MYT1L: variants seen among roughly 807,000 people sequenced by gnomAD.
MYT1L encodes the protein myelin transcription factor 1-like protein.
Under a neutral mutation model 126.7 loss-of-function variants are expected in MYT1L, and 12 were observed. The observed-to-expected ratio is 0.09, with a 90% CI of 0.06 to 0.15. The LOEUF is 0.15. Ranked by LOEUF, MYT1L falls within the 10% of genes least tolerant of loss-of-function variation. The pLI, the probability that MYT1L is intolerant of heterozygous loss-of-function variation, is 1.00. For synonymous variants in MYT1L, 541 were observed against 604.2 expected (o/e 0.90, Z 1.53); for missense variants, 979 against 1,585.2 (o/e 0.62, Z 6.49).
intron 2 of MYT1L, among the ~76,000 whole-genome samples, chr2:2,243,063 T>G (rs2094468632): frequency 6.6e-6 from 1 of 152,108 alleles, no homozygotes; most frequent in African/African-American, 2.4e-5. Flanking sequence ...AGGGGCAATG[T>G]CAATGGGAGC....
chr2:2,257,526 C>A (rs557545190), intron 2 of MYT1L, among the ~76,000 whole-genome samples: 2 of 152,244 alleles, frequency 1.3e-5, no homozygotes, highest in East Asian at 1.9e-4. Context: ...AAAAGTAAGT[C>A]CTGGAGCTCT....
At chr2:1,817,108 C>T in intron 21 of MYT1L, 1 of 152,276 alleles carries the variant, frequency 6.6e-6, no homozygotes, top group South Asian at 2.1e-4. Context: ...GGCCCATTTT[C>T]TCATGACTTG....
rs529909271 is a variant in MYT1L at position 2,121,023 on chromosome 2, G to A, written c.-304+51849C>T. On this transcript the variant is annotated intron_variant, in intron 3 of 24. Transcript: ENST00000647738. ...GGGAGGCCGGCGCGGAGGAACCAGC[G>A]CCCACAGACCCTTGCTCGGCGGAAG... 8.3e-3 allele frequency among the ~76,000 whole-genome samples: 1,258 copies of A among 152,258 alleles called. 18 individuals carry two copies. Among genetic ancestry groups the A allele is most frequent in the African/African-American group, 0.029 (1,202 of 41,552 alleles).
At chr2:1,850,574 C>T (rs1199142460) in intron 19 of MYT1L, among the ~76,000 whole-genome samples, 3 of 152,034 alleles carry the variant, frequency 2.0e-5, no homozygotes, top group African/African-American at 7.2e-5. Flanking sequence ...TCTTCTTGAC[C>T]AAAACTTTAG....
intron 3 of MYT1L, among the ~76,000 whole-genome samples, chr2:2,121,937 G>C (rs1231111009): frequency 6.6e-6 from 1 of 152,202 alleles, no homozygotes; most frequent in African/African-American, 2.4e-5. Context: ...GGAAGGAAAG[G>C]GTTGCTTGGC....
intron 3 of MYT1L, among the ~76,000 whole-genome samples, chr2:2,091,684 T>C (rs2076929780): frequency 1.3e-5 from 2 of 152,154 alleles, no homozygotes; most frequent in African/African-American, 2.4e-5. Context: ...AATATAAGGC[T>C]GTTTCATCTA....
intron 2 of MYT1L, among the ~76,000 whole-genome samples, chr2:2,173,943 TG>T (rs1366231723): frequency 6.6e-6 from 1 of 152,158 alleles, no homozygotes; most frequent in Non-Finnish European, 1.5e-5. Flanking sequence ...GCTTAGCAAG[TG>T]GAACTTGAAA....
intron 3 of MYT1L, among the ~76,000 whole-genome samples, chr2:2,075,452 A>C (rs1298903852): frequency 6.6e-6 from 1 of 152,164 alleles, no homozygotes; most frequent in Non-Finnish European, 1.5e-5. Flanking sequence ...TGTAGAAGTA[A>C]GAAAAGACCC....
chr2:1,813,495 C>T (rs1398685955), intron 21 of MYT1L, among the ~76,000 whole-genome samples: 3 of 152,148 alleles, frequency 2.0e-5, no homozygotes, highest in Non-Finnish European at 4.4e-5. Flanking sequence ...AACTCCCGGC[C>T]GTGGCCTGTG....
At chr2:1,867,928 A>T (rs13420953) in intron 18 of MYT1L, among the ~76,000 whole-genome samples, 2,656 of 151,948 alleles carry the variant, frequency 0.017, 43 homozygotes, top group Non-Finnish European at 0.03. Context: ...ATCTATCTTT[A>T]TTTAGTAAAC....
At chr2:1,872,651 G>A (rs775880266) in intron 18 of MYT1L, among the ~76,000 whole-genome samples, 1 of 152,216 alleles carries the variant, frequency 6.6e-6, no homozygotes, top group South Asian at 2.1e-4. Context: ...CTTGCTGGAA[G>A]TGGGATAAAT....
intron 3 of MYT1L, among the ~76,000 whole-genome samples, chr2:2,090,349 CA>C (rs1238846010): frequency 1.3e-5 from 2 of 152,092 alleles, no homozygotes; most frequent in Admixed American, 6.5e-5. Context: ...TTTTTCATTC[CA>C]AAAAAGTGCA....
intron 2 of MYT1L, among the ~76,000 whole-genome samples, chr2:2,251,029 T>C (rs1343677982): frequency 6.6e-6 from 1 of 152,198 alleles, no homozygotes; most frequent in African/African-American, 2.4e-5. Context: ...TACCTGGAAC[T>C]TTAATGGCAT....
chr2:2,285,808 T>C (rs1264317923), intron 1 of MYT1L, among the ~76,000 whole-genome samples: 1 of 152,184 alleles, frequency 6.6e-6, no homozygotes, highest in Non-Finnish European at 1.5e-5. Context: ...TATTTCCCTG[T>C]ACATTGGCTC....
Position 1,917,357 on chromosome 2 carries a change from T to G in MYT1L, c.1484-18A>C. ...TGAGGGATCTAAAAGCGACAACAGG[T>G]GCCAAGAGAATAAATGTTTACCAAT... is the stretch of plus-strand genomic sequence containing the variant. On this transcript the variant is annotated intron_variant, in intron 10 of 24. Transcript: ENST00000647738. The surrounding 1 kb of genome is among the most constrained non-coding windows in gnomAD (Gnocchi z 5.9). The G allele has an allele frequency of 6.3e-7, 1 of 1,589,916 alleles. No individual in the cohort carries two copies. The highest frequency in any genetic ancestry group is 8.6e-7 in the Non-Finnish European group (1 of 1,164,430).
At chr2:1,877,507 A>C (rs1466089064) in intron 18 of MYT1L, among the ~76,000 whole-genome samples, 1 of 152,146 alleles carries the variant, frequency 6.6e-6, no homozygotes, top group Non-Finnish European at 1.5e-5. Context: ...CCCCTTTGCT[A>C]AGAGGATGCA....
At chr2:2,071,072 G>A (rs2074539035) in intron 3 of MYT1L, among the ~76,000 whole-genome samples, 2 of 152,076 alleles carry the variant, frequency 1.3e-5, no homozygotes. Context: ...TGGTGCTGTA[G>A]AATACAATGT....
chr2:2,120,361 G>A (rs1293262166), intron 3 of MYT1L, among the ~76,000 whole-genome samples: 6 of 152,060 alleles, frequency 3.9e-5, no homozygotes, highest in Non-Finnish European at 4.4e-5. Flanking sequence ...GTCACGTGCT[G>A]CTTGTAAAAT....
intron 2 of MYT1L, among the ~76,000 whole-genome samples, chr2:2,180,249 A>G (rs1007102169): frequency 6.6e-6 from 1 of 152,144 alleles, no homozygotes; most frequent in Non-Finnish European, 1.5e-5. Flanking sequence ...TGGCTCCTTG[A>G]GAGTACAGAA....
Sources: allele counts gnomAD v4.1 joint callset (sites outside exome capture counted in the v4.1 genomes callset), GRCh38; gene constraint gnomAD v4.1.1; non-coding constraint Gnocchi (gnomAD v3.1); transcripts MANE v1.5; gene names NCBI Gene and HGNC (gene_info 2026-07-23, HGNC 2026-07-21).